GABRP: variants seen among roughly 807,000 people sequenced by gnomAD.
GABRP encodes gamma-aminobutyric acid receptor subunit pi.
Under a neutral mutation model 47.8 loss-of-function variants are expected in GABRP, and 52 were observed. That is an observed-to-expected ratio of 1.09 (90% CI 0.87 to 1.37). GABRP has a LOEUF of 1.37. GABRP is among the 40% of genes most tolerant of loss of function. The pLI is 0.00. For missense variants in GABRP, 525 were observed against 542.8 expected (o/e 0.97, Z 0.33); for synonymous variants, 221 against 205.8 (o/e 1.07, Z -0.63).
At chr5:170,807,223 CAGACATG>C (rs1765758936) in intron 7 of GABRP, among the ~76,000 whole-genome samples, 1 of 152,182 alleles carries the variant, frequency 6.6e-6, no homozygotes, top group Non-Finnish European at 1.5e-5. Context: ...GCTGGGATTA[CAGACATG>C]AGCCACCAAG....
chr5:170,794,228 TAGG>T lies in GABRP; in HGVS notation c.173_175del (p.Gly58del), dbSNP rs1167951132. 6.2e-7 allele frequency: 1 copy of T among 1,603,568 alleles called. No homozygotes were observed. The highest frequency in any genetic ancestry group is 8.5e-7 in the Non-Finnish European group (1 of 1,172,414). On this transcript the variant is annotated splice_acceptor_variant and coding_sequence_variant, in exon 4 of 10. Transcript: ENST00000265294. LOFTEE classifies it high-confidence loss of function. The stretch of plus-strand genomic sequence containing the variant: ...CATTCTTTCTTGTTTTTTTTTATCT[TAGG>T]AGAACCCGTACAGATAGCGCTGACT...
In GABRP at chr5:170,792,860, G is replaced by C. The variant is rs1765313016; in HGVS notation, c.173-1371G>C. On this transcript the variant is annotated intron_variant, in intron 3 of 9. Coordinates refer to ENST00000265294, the MANE Select transcript of GABRP (RefSeq NM_014211.3). ...TTGAAATCCGCCTGGCCTCTTCCTGGTTAATGCATTATCACAGTCCCCTGA... is the reference window on the plus strand; with the variant it reads ...TTGAAATCCGCCTGGCCTCTTCCTGCTTAATGCATTATCACAGTCCCCTGA... Among the ~76,000 whole-genome samples, 5 of 152,104 alleles carry C rather than the reference G, an allele frequency of 3.3e-5. No homozygotes were observed. In the South Asian group the frequency reaches 1.0e-3, roughly 32 times the overall value.
At chr5:170,801,259 A>G (rs531357926) in intron 6 of GABRP, among the ~76,000 whole-genome samples, 1 of 152,198 alleles carries the variant, frequency 6.6e-6, no homozygotes, top group Non-Finnish European at 1.5e-5. Context: ...AGTTTGTTCC[A>G]GTGGCTTGTT....
chr5:170,795,440 G>T lies in GABRP; in HGVS notation c.458+15G>T. The stretch of plus-strand genomic sequence containing the variant: ...TATGCCCTCAGGTACGCGGACACCT[G>T]TGACCTCAGGGGTGGAGGACGGCAG... On this transcript the variant is annotated intron_variant, in intron 5 of 9. Coordinates refer to ENST00000265294, the MANE Select transcript of GABRP (RefSeq NM_014211.3). The T allele has an allele frequency of 6.2e-7, 1 of 1,605,580 alleles. No homozygotes were observed. Among genetic ancestry groups the T allele is most frequent in the Non-Finnish European group, 8.5e-7 (1 of 1,172,352 alleles).
intron 1 of GABRP, among the ~76,000 whole-genome samples, chr5:170,784,667 T>G (rs888456132): frequency 6.6e-6 from 1 of 152,220 alleles, no homozygotes; most frequent in Non-Finnish European, 1.5e-5. Flanking sequence ...TTAGTCATAG[T>G]GGAATCACTG....
At chr5:170,788,022 A>G (rs1343919594) in intron 1 of GABRP, among the ~76,000 whole-genome samples, 1 of 152,186 alleles carries the variant, frequency 6.6e-6, no homozygotes, top group East Asian at 1.9e-4. Context: ...CCACTCTCCA[A>G]ACAAGGTCCC....
intron 2 of GABRP, 88 bp from the exon 3 acceptor site, chr5:170,789,041 C>T (rs529474451): frequency 1.6e-5 from 16 of 981,912 alleles, no homozygotes; most frequent in South Asian, 1.5e-4. Flanking sequence ...CACCCACACA[C>T]ACGTGGGCAA....
chr5:170,805,958 CA>C, intron 7 of GABRP, 105 bp downstream of exon 7: 1 of 1,277,650 alleles, frequency 7.8e-7, no homozygotes, highest in South Asian at 1.4e-5. Context: ...CCTTGGGATG[CA>C]GTGGAGCGGG....
At chr5:170,794,337 T>G in intron 4 of GABRP, 39 bp downstream of exon 4, 1 of 1,027,286 alleles carries the variant, frequency 9.7e-7, no homozygotes, top group Non-Finnish European at 1.5e-6. Context: ...AAGTAGTCCC[T>G]CTCTGTGTGT....
intron 8 of GABRP, 23 bp downstream of exon 8, chr5:170,808,775 T>G: frequency 6.2e-7 from 1 of 1,609,276 alleles, no homozygotes; most frequent in South Asian, 1.1e-5. Flanking sequence ...AACAGGAGAT[T>G]TCTAAGAACT....
Position 170,812,033 on chromosome 5 carries a change from C to T in GABRP, c.1098C>T (p.Ile366=), listed in dbSNP as rs1435416287. 1 of 1,614,154 alleles carries T rather than the reference C, an allele frequency of 6.2e-7. No homozygotes were observed. Residue 366 remains isoleucine (I), a synonymous_variant, in exon 10 of 10, where the codon ATC becomes ATT. Coordinates refer to ENST00000265294, the MANE Select transcript of GABRP (RefSeq NM_014211.3). ...CCATCTCCAGCTTTAAACGGAAGAT[C>T]AGCTTTGCCAGCATTGAAATTTCCA... ...NSSISSFKRK[I]SFASIEISSD...
intron 6 of GABRP, among the ~76,000 whole-genome samples, chr5:170,799,124 G>T (rs1765519517): frequency 6.6e-6 from 1 of 152,118 alleles, no homozygotes; most frequent in Non-Finnish European, 1.5e-5. Context: ...CATTTTTTAT[G>T]GCTGCATAGT....
At chr5:170,806,716 A>G (rs1765746828) in intron 7 of GABRP, among the ~76,000 whole-genome samples, 1 of 152,174 alleles carries the variant, frequency 6.6e-6, no homozygotes, top group Non-Finnish European at 1.5e-5. Flanking sequence ...TGCTGGAATT[A>G]CAGGCATGAG....
chr5:170,799,896 C>G (rs190340470), intron 6 of GABRP, among the ~76,000 whole-genome samples: 1 of 152,228 alleles, frequency 6.6e-6, no homozygotes, highest in African/African-American at 2.4e-5. Flanking sequence ...GAATCAATAT[C>G]GTGAAAATGG....
chr5:170,787,615 C>CG (rs3838657), intron 1 of GABRP, among the ~76,000 whole-genome samples: 3 of 145,948 alleles, frequency 2.1e-5, no homozygotes, highest in South Asian at 2.6e-4. Flanking sequence ...AAGAGAGTAC[C>CG]GGGGGGGAGG....
At chr5:170,784,799 T>C (rs993145965) in intron 1 of GABRP, among the ~76,000 whole-genome samples, 1 of 152,186 alleles carries the variant, frequency 6.6e-6, no homozygotes. Flanking sequence ...CTCGGGTGTA[T>C]CAGGATCCAG....
Position 170,812,044 on chromosome 5 carries a change from G to A in GABRP, c.1109G>A (p.Ser370Asn), listed in dbSNP as rs1561817394. ...TTTAAACGGAAGATCAGCTTTGCCA[G>A]CATTGAAATTTCCAGCGACAACGTT... ...SSFKRKISFA[S>N]IEISSDNVDY... Residue 370 changes from serine to asparagine, a missense_variant, in exon 10 of 10, where the codon AGC (serine) becomes AAC (asparagine). Ser to Asn is a conservative substitution (Grantham distance 46). Coordinates refer to ENST00000265294, the MANE Select transcript of GABRP (RefSeq NM_014211.3). 1.2e-6 allele frequency: 2 copies of A among 1,614,150 alleles called. No individual in the cohort carries two copies. The highest frequency in any genetic ancestry group is 1.7e-6 in the Non-Finnish European group (2 of 1,180,022).
rs1765948560 is a variant in GABRP, at chr5:170,813,581, G to T, written c.*1323G>T. 1 of 152,218 alleles carries T rather than the reference G, an allele frequency of 6.6e-6. No individual in the cohort carries two copies. The highest frequency in any genetic ancestry group is 2.4e-5 in the African/African-American group (1 of 41,444). The allele number at this position is 152,218 out of a possible 1,614,324, so 9.4% of individuals were successfully genotyped here. On this transcript the variant is annotated 3_prime_UTR_variant, in exon 10 of 10. Transcript: ENST00000265294. The stretch of plus-strand genomic sequence containing the variant: ...ATTCCTCGGCCAGTCTCAGCCAACA[G>T]TACCAAAAGTGATTTTTGAGTGTGC...
chr5:170,788,803 C>T (rs1265709092), intron 2 of GABRP, 135 bp downstream of exon 2: 2 of 795,254 alleles, frequency 2.5e-6, no homozygotes, highest in Admixed American at 2.0e-5. Context: ...GAGCACCGAA[C>T]AATGAAACTT....
Sources: gnomAD v4.1 joint callset for allele counts (sites outside exome capture counted in the v4.1 genomes callset) on GRCh38, gnomAD v4.1.1 for gene constraint, MANE v1.5 for transcripts, NCBI Gene and HGNC (gene_info 2026-07-23, HGNC 2026-07-21) for gene names.